The following ASH2L variants were observed in gnomAD, a reference collection of about 807,000 sequenced individuals.
ASH2L encodes ASH2 like, histone lysine methyltransferase complex subunit.
Under a neutral mutation model 81.1 loss-of-function variants are expected in ASH2L, and 30 were observed. The ratio of observed to expected loss-of-function variants is 0.37; its 90% CI spans 0.28 to 0.50. The LOEUF is 0.50. ASH2L is among the 20% of genes least tolerant of loss of function. The probability of loss-of-function intolerance (pLI) is 0.95; values close to 1 mark genes in which losing one functional copy is unlikely to be tolerated. For synonymous variants in ASH2L, 273 were observed against 279.9 expected (o/e 0.98, Z 0.24); for missense variants, 559 against 792.1 (o/e 0.71, Z 3.53).
At position 38,128,625 on chromosome 8, in the gene ASH2L, C is replaced by T; in HGVS notation, c.1334-133C>T. 6 of 1,472,866 alleles carry T rather than the reference C, an allele frequency of 4.1e-6. No individual in the cohort carries two copies. In the South Asian group the frequency reaches 5.4e-5, roughly 13 times the overall value. 91.2% of individuals were successfully genotyped at this position (1,472,866 alleles called of 1,614,324 possible). ...CCCGGGATATTTTTGTAATTCTTTG[C>T]TTGTGAGAAAGTTTTTAAGCAATTT... On this transcript the variant is annotated intron_variant, in intron 11 of 15. Transcript: ENST00000343823.
intron 8 of ASH2L, among the ~76,000 whole-genome samples, chr8:38,117,033 C>A (rs1223018049): frequency 6.6e-6 from 1 of 152,184 alleles, no homozygotes; most frequent in African/African-American, 2.4e-5. Flanking sequence ...TAGAAAGATT[C>A]ATCTCCTCTC....
At chr8:38,134,416 C>T (rs1802177350) in intron 13 of ASH2L, among the ~76,000 whole-genome samples, 1 of 151,908 alleles carries the variant, frequency 6.6e-6, no homozygotes, top group African/African-American at 2.4e-5. Context: ...GTATCAAGTC[C>T]AAAGGGAGGG....
At position 38,114,975 on chromosome 8, in the gene ASH2L, A is replaced by G. The variant is rs1810836227; in HGVS notation, c.752A>G (p.Tyr251Cys). ...GGCAGTAAAGATCCAGAAGAAGATT[A>G]CCCCAAATTTGGACTTTTGGATCAG... Reference protein sequence around the residue: ...DPGSKDPEEDYPKFGLLDQDL... With the variant: ...DPGSKDPEEDCPKFGLLDQDL... Residue 251 changes from tyrosine (Y) to cysteine (C), a missense_variant, in exon 7 of 16, where the codon TAC becomes TGC. Coordinates refer to ENST00000343823, the MANE Select transcript of ASH2L (RefSeq NM_004674.5). The G allele has an allele frequency of 1.2e-6, 2 of 1,612,504 alleles. No individual in the cohort carries two copies. The highest frequency in any genetic ancestry group is 1.7e-6 in the Non-Finnish European group (2 of 1,178,610).
intron 1 of ASH2L, 73 bp from the exon 2 acceptor site, chr8:38,106,305 C>G: frequency 6.7e-7 from 1 of 1,486,354 alleles, no homozygotes; most frequent in Non-Finnish European, 9.4e-7. Flanking sequence ...GTAATTTGAT[C>G]ATCATTTTTG....
rs1802066873 is a variant in ASH2L at position 38,131,727 on chromosome 8, A to G, written c.1528-1727A>G. Among the ~76,000 whole-genome samples the G allele has an allele frequency of 2.0e-5, 3 of 152,240 alleles. No individual in the cohort carries two copies. The South Asian group carries it at 6.2e-4, about 31-fold the overall frequency. On this transcript the variant is annotated intron_variant, in intron 12 of 15. Coordinates refer to ENST00000343823, the MANE Select transcript of ASH2L (RefSeq NM_004674.5). ...ATGGATCTATTCAAAAGCCGCATAT[A>G]TACTGATTATAAAATGGTCTCTAAT...
intron 8 of ASH2L, among the ~76,000 whole-genome samples, chr8:38,117,982 C>A (rs752396943): frequency 6.6e-6 from 1 of 152,138 alleles, no homozygotes; most frequent in South Asian, 2.1e-4. Context: ...TCGTTTGAAC[C>A]CAGGAGGCAG....
intron 3 of ASH2L, among the ~76,000 whole-genome samples, chr8:38,109,950 T>C (rs536067403): frequency 1.0e-3 from 157 of 152,334 alleles, no homozygotes; most frequent in African/African-American, 3.6e-3. Flanking sequence ...TAAGGTCTTA[T>C]TAACTTTCGT....
At chr8:38,133,687 C>A (rs905756907) in intron 13 of ASH2L, 141 bp downstream of exon 13, 1 of 635,428 alleles carries the variant, frequency 1.6e-6, no homozygotes, top group Non-Finnish European at 2.7e-6. Flanking sequence ...GGCAAGCTCA[C>A]CCTCTGCTTA....
chr8:38,126,888 A>C (rs561377705), intron 10 of ASH2L, among the ~76,000 whole-genome samples: 2 of 150,510 alleles, frequency 1.3e-5, no homozygotes, highest in African/African-American at 4.9e-5. Flanking sequence ...GTTTTAAAAC[A>C]GTTAAGGCCA....
chr8:38,113,419 T>G (rs1383331616), intron 5 of ASH2L, among the ~76,000 whole-genome samples: 2 of 152,158 alleles, frequency 1.3e-5, no homozygotes, highest in African/African-American at 4.8e-5. Context: ...TTCCAGGCTT[T>G]CTTTGTACTT....
chr8:38,133,451 A>T lies in ASH2L; in HGVS notation c.1528-3A>T. On this transcript the variant is annotated splice_region_variant and splice_polypyrimidine_tract_variant and intron_variant, in intron 12 of 15. Transcript: ENST00000343823. ...TGCCTTTTTTTCTTTCTTGGTTTTC[A>T]AGGCTTTGATAAAATTCAAGAGTTA... 1 of 1,599,554 alleles carries T rather than the reference A, an allele frequency of 6.3e-7. No homozygotes were observed.
rs2843740 is a variant in ASH2L at position 38,128,379 on chromosome 8, A to G, written c.1254A>G (p.Lys418=). The change falls in exon 11 of 16, where the codon AAA becomes AAG. Residue 418 remains lysine (K), a synonymous_variant. Transcript: ENST00000343823. ...TGAGGGCCTCTCATGGAGTACGGAAAGGTGCCTGGTATTTTGAAATCACTG... is the reference window on the plus strand; with the variant it reads ...TGAGGGCCTCTCATGGAGTACGGAAGGGTGCCTGGTATTTTGAAATCACTG... ...SMVRASHGVR[K]GAWYFEITVD... 0.96 allele frequency: 1,545,969 copies of G among 1,614,002 alleles called. 744,058 individuals are homozygous for G. The highest frequency in any genetic ancestry group is 0.99 in the Non-Finnish European group (1,166,430 of 1,180,032).
At position 38,119,265 on chromosome 8, in the gene ASH2L, C is replaced by G. The variant is rs1462663345; in HGVS notation, c.854-5C>G. On this transcript the variant is annotated splice_region_variant and splice_polypyrimidine_tract_variant and intron_variant, in intron 8 of 15. Transcript: ENST00000343823. ...CATTGAAAGCAATCTGCCTTCTCTT[C>G]AAAGGGGGAATTGCAGCAGGAAGCA... 6.5e-7 allele frequency: 1 copy of G among 1,549,822 alleles called. No individual in the cohort carries two copies. The highest frequency in any genetic ancestry group is 2.0e-5 in the Admixed American group (1 of 50,618).
At chr8:38,128,025 G>A (rs1316015146) in intron 10 of ASH2L, among the ~76,000 whole-genome samples, 2 of 142,092 alleles carry the variant, frequency 1.4e-5, no homozygotes, top group African/African-American at 5.2e-5. Context: ...CAGCCTGGGC[G>A]ACAGAGCGGG....
chr8:38,105,966 G>GATC, intron 1 of ASH2L: 1 of 1,524,990 alleles, frequency 6.6e-7, no homozygotes, highest in Non-Finnish European at 8.8e-7. Context: ...CGTTATCTCT[G>GATC]ATCCTTGCAC....
At chr8:38,135,307 G>A (rs926871570) in intron 13 of ASH2L, among the ~76,000 whole-genome samples, 9 of 152,016 alleles carry the variant, frequency 5.9e-5, no homozygotes, top group African/African-American at 2.2e-4. Flanking sequence ...AAATTAGCTG[G>A]ATATGGTGGT....
Position 38,114,260 on chromosome 8 carries a change from T to G in ASH2L, c.654T>G (p.Thr218=). Residue 218 remains threonine (T), a synonymous_variant, in exon 6 of 16, where the codon ACT becomes ACG. Transcript: ENST00000343823. ...MTTRQRPGKM[T]WPNNIVKTMS... ...CCAGACAGAGACCTGGGAAAATGAC[T>G]TGGCCAAATAACATTGTTAAAACAA... 6.2e-7 allele frequency: 1 copy of G among 1,607,172 alleles called. No homozygotes were observed. Among genetic ancestry groups the G allele is most frequent in the Non-Finnish European group, 8.5e-7 (1 of 1,176,500 alleles).
intron 9 of ASH2L, among the ~76,000 whole-genome samples, chr8:38,119,856 T>C (rs546397465): frequency 6.6e-6 from 1 of 152,016 alleles, no homozygotes; most frequent in East Asian, 1.9e-4. Flanking sequence ...CGGTGGGTCA[T>C]GCCTGTAATC....
In ASH2L at chr8:38,107,139, C is replaced by T. The variant is rs111567903; in HGVS notation, c.374C>T (p.Thr125Met). Residue 125 changes from threonine to methionine, a missense_variant, in exon 3 of 16, where the codon ACG becomes ATG. Thr to Met is a moderately conservative substitution (Grantham distance 81, BLOSUM62 -1). This residue lies in a region of ASH2L where 318 missense variants were observed against 527.0 expected (regional missense o/e 0.60). Transcript: ENST00000343823. ...LQCGICTKWFTADTFGIDTSS... is the reference protein window; with the variant it reads ...LQCGICTKWFMADTFGIDTSS... ...TGTGGGATTTGTACAAAATGGTTCA[C>T]GGCTGACACATTTGGCATAGATACC... The T allele has an allele frequency of 5.6e-6, 9 of 1,613,950 alleles. No individual in the cohort carries two copies. The highest frequency in any genetic ancestry group is 2.2e-5 in the East Asian group (1 of 44,878).
Sources: allele counts gnomAD v4.1 joint callset (sites outside exome capture counted in the v4.1 genomes callset), GRCh38; gene constraint gnomAD v4.1.1; regional missense constraint gnomAD v4.1.1; transcripts MANE v1.5; gene names NCBI Gene and HGNC (gene_info 2026-07-23, HGNC 2026-07-21).